UBE2G1: variants seen among roughly 807,000 people sequenced by gnomAD.
The protein encoded by UBE2G1 is ubiquitin conjugating enzyme E2 G1.
In UBE2G1, 5 loss-of-function variants were observed where a neutral mutation model predicts 22.7. That is an observed-to-expected ratio of 0.22 (90% CI 0.12 to 0.46). The LOEUF (loss-of-function observed/expected upper bound fraction) is 0.46, where lower values mean the gene tolerates loss of function less well. Among genes scored for constraint, UBE2G1 ranks in the 20% least tolerant of loss-of-function variants. UBE2G1 has a pLI of 0.99. For missense variants in UBE2G1, 88 were observed against 203.9 expected (o/e 0.43, Z 3.46); for synonymous variants, 74 against 67.5 (o/e 1.10, Z -0.47).
chr17:4,363,626 C>T (rs1969993393), intron 1 of UBE2G1, among the ~76,000 whole-genome samples: 1 of 152,084 alleles, frequency 6.6e-6, no homozygotes, highest in African/African-American at 2.4e-5. Flanking sequence ...ACTTCTTTCA[C>T]ACCTTTTAAA....
At chr17:4,312,695 C>CAAAAAAAAA (rs58462791) in intron 1 of UBE2G1, among the ~76,000 whole-genome samples, 2 of 76,892 alleles carry the variant, frequency 2.6e-5, no homozygotes, top group African/African-American at 1.0e-4. Flanking sequence ...GACTCCATCT[C>CAAAAAAAAA]AAAAAAAAAA....
intron 1 of UBE2G1, among the ~76,000 whole-genome samples, chr17:4,319,370 A>G (rs959971756): frequency 1.3e-5 from 2 of 152,184 alleles, no homozygotes; most frequent in African/African-American, 4.8e-5. Flanking sequence ...AGATTTCTCC[A>G]CAATACTCAT....
intron 1 of UBE2G1, among the ~76,000 whole-genome samples, chr17:4,322,827 A>G (rs1382696755): frequency 4.6e-5 from 7 of 152,210 alleles, no homozygotes; most frequent in Admixed American, 4.6e-4. Flanking sequence ...AGTTACGGTA[A>G]TACTTCATAC....
chr17:4,273,629 T>A (rs568954721), intron 5 of UBE2G1, among the ~76,000 whole-genome samples: 1 of 151,562 alleles, frequency 6.6e-6, no homozygotes, highest in South Asian at 2.1e-4. Context: ...AGGCATGTGC[T>A]ACTGCACCCA....
intron 3 of UBE2G1, among the ~76,000 whole-genome samples, chr17:4,294,454 A>C (rs977413901): frequency 9.3e-5 from 14 of 150,622 alleles, no homozygotes; most frequent in African/African-American, 3.2e-4. Flanking sequence ...AGAAACGAAA[A>C]GAAAAGAAAA....
chr17:4,332,556 T>A (rs148804598), intron 1 of UBE2G1, among the ~76,000 whole-genome samples: 4 of 152,330 alleles, frequency 2.6e-5, no homozygotes, highest in Non-Finnish European at 5.9e-5. Flanking sequence ...TGATGGCCTA[T>A]AGGGTCCTTC....
At chr17:4,348,953 C>T (rs963854832) in intron 1 of UBE2G1, among the ~76,000 whole-genome samples, 3 of 152,026 alleles carry the variant, frequency 2.0e-5, no homozygotes, top group African/African-American at 7.2e-5. Context: ...CTTTGGGAGG[C>T]CAAGGCAGGC....
chr17:4,325,478 C>T (rs1041229201), intron 1 of UBE2G1, among the ~76,000 whole-genome samples: 1 of 152,154 alleles, frequency 6.6e-6, no homozygotes, highest in Non-Finnish European at 1.5e-5. Flanking sequence ...ATGAAAGAGA[C>T]ATATGCTGGA....
At chr17:4,318,455 G>A (rs190447960) in intron 1 of UBE2G1, among the ~76,000 whole-genome samples, 125 of 152,206 alleles carry the variant, frequency 8.2e-4, no homozygotes, top group African/African-American at 2.8e-3. Context: ...GCCAATAGCC[G>A]CAATTCAAGT....
chr17:4,344,462 C>G (rs1395130152), intron 1 of UBE2G1, among the ~76,000 whole-genome samples: 1 of 151,722 alleles, frequency 6.6e-6, no homozygotes, highest in Non-Finnish European at 1.5e-5. Flanking sequence ...ATCTCTTGAA[C>G]CCGGGAGGCG....
intron 2 of UBE2G1, among the ~76,000 whole-genome samples, chr17:4,300,086 G>GC (rs1491172104): frequency 1.5e-4 from 3 of 19,958 alleles, no homozygotes; most frequent in Non-Finnish European, 6.3e-4. Context: ...TGGCCTACCT[G>GC]CTTTTTTTTT....
intron 1 of UBE2G1, among the ~76,000 whole-genome samples, chr17:4,312,810 G>A (rs889590831): frequency 6.6e-6 from 1 of 151,782 alleles, no homozygotes; most frequent in Admixed American, 6.6e-5. Flanking sequence ...CAGGGAAGAA[G>A]GGGTCTATAT....
At chr17:4,317,203 A>T (rs1391122409) in intron 1 of UBE2G1, among the ~76,000 whole-genome samples, 2 of 152,184 alleles carry the variant, frequency 1.3e-5, no homozygotes, top group South Asian at 4.1e-4. Flanking sequence ...TACAAAAATT[A>T]GCCAGGCGTG....
chr17:4,346,712 G>A (rs1342402906), intron 1 of UBE2G1, among the ~76,000 whole-genome samples: 2 of 151,600 alleles, frequency 1.3e-5, no homozygotes, highest in Non-Finnish European at 2.9e-5. Context: ...GTGATTACAG[G>A]TGTGAGCCAC....
At chr17:4,349,094 G>C (rs1969814448) in intron 1 of UBE2G1, among the ~76,000 whole-genome samples, 1 of 151,792 alleles carries the variant, frequency 6.6e-6, no homozygotes, top group Non-Finnish European at 1.5e-5. Flanking sequence ...AGGCCGAGGT[G>C]GGCAGATCAC....
rs140336921 is a variant in UBE2G1 at position 4,346,751 on chromosome 17, T to C, written c.46+19520A>G. Among the ~76,000 whole-genome samples the C allele has an allele frequency of 3.1e-3, 473 of 151,936 alleles. 3 individuals are homozygous for C. Among genetic ancestry groups the C allele is most frequent in the African/African-American group, 0.011 (439 of 41,462 alleles). On this transcript the variant is annotated intron_variant, in intron 1 of 5. Coordinates refer to ENST00000396981, the MANE Select transcript of UBE2G1 (RefSeq NM_003342.5). ...GTCCAGCTCCAGCTTACATTTTCAA[T>C]AGAAGTCAAGAAAGGAAGACAGAGG...
intron 1 of UBE2G1, among the ~76,000 whole-genome samples, chr17:4,334,301 T>C (rs927791512): frequency 6.6e-6 from 1 of 152,144 alleles, no homozygotes. Context: ...AAAAAGTCAT[T>C]GAACACTTCT....
intron 4 of UBE2G1, among the ~76,000 whole-genome samples, chr17:4,285,020 A>AT (rs1968946125): frequency 6.6e-6 from 1 of 151,162 alleles, no homozygotes; most frequent in South Asian, 2.1e-4. Context: ...TGATTTTTGT[A>AT]TTTTTTGTAG....
chr17:4,336,329 G>T (rs1390952691), intron 1 of UBE2G1, among the ~76,000 whole-genome samples: 1 of 152,012 alleles, frequency 6.6e-6, no homozygotes, highest in African/African-American at 2.4e-5. Context: ...ATCTAAAATA[G>T]AGACTTTGAG....
Sources: gnomAD v4.1 joint callset for allele counts (sites outside exome capture counted in the v4.1 genomes callset) on GRCh38, gnomAD v4.1.1 for gene constraint, MANE v1.5 for transcripts, NCBI Gene and HGNC (gene_info 2026-07-23, HGNC 2026-07-21) for gene names.